The following VRK1 variants were observed in gnomAD, a reference collection of about 807,000 sequenced individuals.
The protein encoded by VRK1 is VRK serine/threonine kinase 1.
VRK1 carries 33 observed loss-of-function variants against 57.1 expected under a neutral mutation model. The observed-to-expected ratio is 0.58, with a 90% CI of 0.44 to 0.77. The LOEUF (loss-of-function observed/expected upper bound fraction) is 0.77. VRK1 is among the 30% of genes least tolerant of loss of function. The pLI, the probability that VRK1 is intolerant of heterozygous loss-of-function variation, is 0.00. For synonymous variants in VRK1, 137 were observed against 147.8 expected (o/e 0.93, Z 0.53); for missense variants, 413 against 477.3 (o/e 0.87, Z 1.25).
chr14:96,864,921 T>G (rs12587438), intron 11 of VRK1, among the ~76,000 whole-genome samples: 18,463 of 148,468 alleles, frequency 0.12, 2,652 homozygotes, highest in East Asian at 0.79. Context: ...TTTGCCTATT[T>G]AAAAAAAAAA....
At chr14:96,868,470 A>G (rs74076170) in intron 11 of VRK1, among the ~76,000 whole-genome samples, 2 of 152,192 alleles carry the variant, frequency 1.3e-5, no homozygotes, top group African/African-American at 4.8e-5. Context: ...CTGTGCAGAA[A>G]ACAGCCCTTT....
At chr14:96,847,993 A>T (rs1206380650) in intron 5 of VRK1, among the ~76,000 whole-genome samples, 1 of 152,222 alleles carries the variant, frequency 6.6e-6, no homozygotes, top group African/African-American at 2.4e-5. Context: ...TATTTGAATG[A>T]ATGAATGGAA....
intron 9 of VRK1, 105 bp downstream of exon 9, chr14:96,856,355 A>C: frequency 6.9e-7 from 1 of 1,442,256 alleles, no homozygotes; most frequent in Non-Finnish European, 9.5e-7. Flanking sequence ...CTGATATAGA[A>C]ATAAGAAAGT....
At chr14:96,837,988 G>A (rs930808027) in intron 3 of VRK1, among the ~76,000 whole-genome samples, 171 bp downstream of exon 3, 1 of 152,012 alleles carries the variant, frequency 6.6e-6, no homozygotes, top group Non-Finnish European at 1.5e-5. Flanking sequence ...TAAATCACTT[G>A]AGTGTGAAAA....
At chr14:96,870,429 A>G (rs1445470994) in intron 11 of VRK1, among the ~76,000 whole-genome samples, 1 of 152,224 alleles carries the variant, frequency 6.6e-6, no homozygotes. Flanking sequence ...TTAATGGTGC[A>G]TGTCATGGAA....
chr14:96,804,975 C>T (rs1885812869), intron 1 of VRK1, among the ~76,000 whole-genome samples: 1 of 152,186 alleles, frequency 6.6e-6, no homozygotes, highest in African/African-American at 2.4e-5. Flanking sequence ...AGAGTAGTTT[C>T]CGTTGGCTCA....
intron 1 of VRK1, among the ~76,000 whole-genome samples, chr14:96,807,823 TC>T (rs1566683297): frequency 6.6e-6 from 1 of 152,210 alleles, no homozygotes; most frequent in African/African-American, 2.4e-5. Flanking sequence ...TATTTTGGAA[TC>T]CTAGTTCTTG....
intron 2 of VRK1, among the ~76,000 whole-genome samples, chr14:96,835,766 C>T (rs1330266474): frequency 6.6e-6 from 1 of 152,174 alleles, no homozygotes; most frequent in African/African-American, 2.4e-5. Context: ...GGTGACTTCT[C>T]AGATCCATTC....
intron 1 of VRK1, among the ~76,000 whole-genome samples, chr14:96,832,966 G>A (rs570898478): frequency 6.6e-6 from 1 of 152,270 alleles, no homozygotes; most frequent in South Asian, 2.1e-4. Flanking sequence ...AGAGTCATGA[G>A]GATGGATGGG....
At position 96,860,650 on chromosome 14, in the gene VRK1, T is replaced by G; in HGVS notation, c.983T>G (p.Leu328Arg). The change falls in exon 11 of 13, where the codon CTA becomes CGA. Residue 328 changes from leucine (L) to arginine (R), a missense_variant. Coordinates refer to ENST00000216639, the MANE Select transcript of VRK1 (RefSeq NM_003384.3). Reference sequence around the variant, plus strand: ...TTACGTGACATTCTTTTGCAAGGACTAAAAGCTATAGGAAGTAAGGATGAT... The same window carrying G: ...TTACGTGACATTCTTTTGCAAGGACGAAAAGCTATAGGAAGTAAGGATGAT... The part of the protein sequence containing the change: ...ENLRDILLQG[L>R]KAIGSKDDGK... 1 of 1,613,430 alleles carries G rather than the reference T, an allele frequency of 6.2e-7. No homozygotes were observed. Among genetic ancestry groups the G allele is most frequent in the Non-Finnish European group, 8.5e-7 (1 of 1,179,570 alleles).
intron 1 of VRK1, among the ~76,000 whole-genome samples, chr14:96,797,902 G>A (rs892933251): frequency 1.3e-5 from 2 of 152,254 alleles, no homozygotes; most frequent in African/African-American, 2.4e-5. Flanking sequence ...TTGCGGATAC[G>A]GAAATGCTTT....
intron 3 of VRK1, among the ~76,000 whole-genome samples, chr14:96,842,770 C>A (rs1887516637): frequency 6.6e-6 from 1 of 152,136 alleles, no homozygotes; most frequent in Admixed American, 6.5e-5. Context: ...CCAGGTGATT[C>A]TTTTGTGCAT....
intron 3 of VRK1, among the ~76,000 whole-genome samples, chr14:96,840,129 G>A (rs1887395918): frequency 6.6e-6 from 1 of 152,072 alleles, no homozygotes; most frequent in Non-Finnish European, 1.5e-5. Flanking sequence ...TTCTGTACCT[G>A]GCACTCTGTT....
At chr14:96,803,353 T>C (rs78771950) in intron 1 of VRK1, among the ~76,000 whole-genome samples, 1 of 151,994 alleles carries the variant, frequency 6.6e-6, no homozygotes, top group African/African-American at 2.4e-5. Flanking sequence ...GCATTTTAAG[T>C]AGAGACAGGG....
chr14:96,859,434 G>A (rs1888293273), intron 10 of VRK1, among the ~76,000 whole-genome samples: 1 of 152,172 alleles, frequency 6.6e-6, no homozygotes, highest in African/African-American at 2.4e-5. Flanking sequence ...TATGGCAAAA[G>A]TGGACATTTT....
rs1403351150 is a variant in VRK1 at position 96,877,752 on chromosome 14, C to T, written c.1159+1632C>T. The stretch of plus-strand genomic sequence containing the variant: ...AGCTGCGCATCAGGAAGACTCATCC[C>T]TTTCTTGACTGCCTGGACATCATTT... On this transcript the variant is annotated intron_variant, in intron 12 of 12. Coordinates refer to ENST00000216639, the MANE Select transcript of VRK1 (RefSeq NM_003384.3). The T allele has an allele frequency of 3.5e-6, 3 of 850,010 alleles. No individual in the cohort carries two copies. In the Admixed American group the frequency reaches 1.9e-4, roughly 53 times the overall value. 52.7% of individuals were successfully genotyped at this position (850,010 alleles called of 1,614,324 possible).
chr14:96,837,988 G>C (rs930808027), intron 3 of VRK1, among the ~76,000 whole-genome samples, 171 bp downstream of exon 3: 1 of 152,012 alleles, frequency 6.6e-6, no homozygotes, highest in East Asian at 1.9e-4. Context: ...TAAATCACTT[G>C]AGTGTGAAAA....
At chr14:96,877,668 A>G in intron 12 of VRK1, 1 of 1,280,836 alleles carries the variant, frequency 7.8e-7, no homozygotes, top group Non-Finnish European at 1.0e-6. Context: ...TTTTAGTTTC[A>G]GAAAGATCCT....
intron 11 of VRK1, among the ~76,000 whole-genome samples, chr14:96,865,248 T>C (rs1888539528): frequency 6.6e-6 from 1 of 152,148 alleles, no homozygotes; most frequent in Non-Finnish European, 1.5e-5. Context: ...ATGGTGTGAG[T>C]CAGTATTTGT....
Sources: gnomAD v4.1 joint callset for allele counts (sites outside exome capture counted in the v4.1 genomes callset) on GRCh38, gnomAD v4.1.1 for gene constraint, MANE v1.5 for transcripts, NCBI Gene and HGNC (gene_info 2026-07-23, HGNC 2026-07-21) for gene names.